The following ANKFY1 variants were observed in gnomAD, a reference collection of about 807,000 sequenced individuals.
ANKFY1 encodes the protein ankyrin repeat and FYVE domain containing 1.
In ANKFY1, 47 loss-of-function variants were observed where a neutral mutation model predicts 128.3. That is an observed-to-expected ratio of 0.37 (90% CI 0.29 to 0.47). ANKFY1 has a LOEUF of 0.47. Among genes scored for constraint, ANKFY1 ranks in the 20% least tolerant of loss-of-function variants. The pLI, the probability that ANKFY1 is intolerant of heterozygous loss-of-function variation, is 1.00. For synonymous variants in ANKFY1, 553 were observed against 601.6 expected (o/e 0.92, Z 1.18); for missense variants, 1,222 against 1,510.6 (o/e 0.81, Z 3.17).
At chr17:4,223,447 C>A in intron 3 of ANKFY1, 1 of 1,247,578 alleles carries the variant, frequency 8.0e-7, no homozygotes, top group Non-Finnish European at 1.2e-6. Context: ...TCACTGATGA[C>A]ACACTTCAAG....
chr17:4,240,020 T>A (rs1423088400), intron 2 of ANKFY1, among the ~76,000 whole-genome samples: 2 of 151,120 alleles, frequency 1.3e-5, no homozygotes, highest in African/African-American at 4.9e-5. Context: ...GTGCTCACCC[T>A]GCTCTTTTCT....
At chr17:4,259,027 G>A (rs1427957973) in intron 1 of ANKFY1, among the ~76,000 whole-genome samples, 1 of 152,194 alleles carries the variant, frequency 6.6e-6, no homozygotes, top group Non-Finnish European at 1.5e-5. Context: ...GTGCACCAGG[G>A]TGAAAGCATC....
chr17:4,201,521 T>C (rs565937399), intron 7 of ANKFY1, among the ~76,000 whole-genome samples: 2 of 148,866 alleles, frequency 1.3e-5, no homozygotes, highest in East Asian at 2.0e-4. Flanking sequence ...CACTGTCTTA[T>C]ACAAAACAGA....
intron 3 of ANKFY1, among the ~76,000 whole-genome samples, chr17:4,218,808 T>C (rs1348474886): frequency 6.6e-6 from 1 of 152,048 alleles, no homozygotes; most frequent in Admixed American, 6.6e-5. Context: ...AGCCGGGAGG[T>C]TGAGGCAGTA....
In ANKFY1 at chr17:4,170,865, G is replaced by A. The variant is rs1259253428; in HGVS notation, c.3140-4C>T. ...TTCATGTATGCCAGGAGCAGCACTG[G>A]AAAACAAAAGCACGCGCAGGGCTAC... On this transcript the variant is annotated splice_region_variant and splice_polypyrimidine_tract_variant and intron_variant, in intron 22 of 24. Coordinates refer to ENST00000341657, the MANE Select transcript of ANKFY1 (RefSeq NM_001330063.2). 1.9e-6 allele frequency: 3 copies of A among 1,614,066 alleles called. No homozygotes were observed. In the African/African-American group the frequency reaches 4.0e-5, roughly 22 times the overall value.
chr17:4,222,343 G>A, intron 3 of ANKFY1: 1 of 750,934 alleles, frequency 1.3e-6, no homozygotes. Flanking sequence ...TGTGACAAAT[G>A]ACCTTATTAT....
Position 4,167,769 on chromosome 17 carries a change from G to A in ANKFY1, c.*10C>T, listed in dbSNP as rs149788482. The A allele has an allele frequency of 1.7e-5, 27 of 1,610,732 alleles. No individual in the cohort carries two copies. The highest frequency in any genetic ancestry group is 3.3e-4 in the Middle Eastern group (2 of 6,028). ...ACCAAGGACGTGGCCTGGACCCTCCGGGGGGCTCACTAAGAAACCCCACCC... is the reference window on the plus strand; with the variant it reads ...ACCAAGGACGTGGCCTGGACCCTCCAGGGGGCTCACTAAGAAACCCCACCC... On this transcript the variant is annotated 3_prime_UTR_variant, in exon 25 of 25. Transcript: ENST00000341657. The surrounding 1 kb of genome is among the most constrained non-coding windows in gnomAD (Gnocchi z 4.1).
intron 24 of ANKFY1, among the ~76,000 whole-genome samples, chr17:4,168,363 G>A (rs1455650842): frequency 6.6e-6 from 1 of 152,180 alleles, no homozygotes; most frequent in Non-Finnish European, 1.5e-5. Context: ...TGAGGAATAA[G>A]AATCGCTTGA....
intron 1 of ANKFY1, among the ~76,000 whole-genome samples, chr17:4,253,399 G>C (rs1967948842): frequency 1.3e-5 from 2 of 152,312 alleles, no homozygotes; most frequent in South Asian, 2.1e-4. Context: ...GTATATATTT[G>C]TCAACTGACA....
At chr17:4,184,504 A>G (rs2059575974) in intron 12 of ANKFY1, among the ~76,000 whole-genome samples, 1 of 152,182 alleles carries the variant, frequency 6.6e-6, no homozygotes, top group African/African-American at 2.4e-5. Flanking sequence ...GTTCTCAAAG[A>G]CAGTGCTCAC....
intron 3 of ANKFY1, among the ~76,000 whole-genome samples, chr17:4,232,273 G>A (rs563122261): frequency 1.3e-5 from 2 of 152,160 alleles, no homozygotes. Context: ...TTGCTGCCAT[G>A]AAGTGTCAGT....
At chr17:4,248,562 T>C (rs1457947989) in intron 1 of ANKFY1, among the ~76,000 whole-genome samples, 1 of 152,234 alleles carries the variant, frequency 6.6e-6, no homozygotes, top group East Asian at 1.9e-4. Flanking sequence ...TAGTAAGGCT[T>C]ACCGCTGCTG....
intron 5 of ANKFY1, among the ~76,000 whole-genome samples, chr17:4,209,013 C>T (rs1287646986): frequency 1.3e-5 from 2 of 151,950 alleles, no homozygotes; most frequent in East Asian, 1.9e-4. Flanking sequence ...GAGCTGAGAC[C>T]GTGCCATTGC....
chr17:4,231,884 C>T lies in ANKFY1; in HGVS notation c.322+3888G>A, dbSNP rs987846243. On this transcript the variant is annotated intron_variant, in intron 3 of 24. Transcript: ENST00000341657. ...GCCAGGAGGTCAAGGCTGCAGTGAG[C>T]CGTGATTGCACCATGGCACTCTAGC... 2.5e-4 allele frequency among the ~76,000 whole-genome samples: 38 copies of T among 151,410 alleles called. 1 individual carries two copies. Among genetic ancestry groups the T allele is most frequent in the African/African-American group, 8.7e-4 (36 of 41,226 alleles).
intron 1 of ANKFY1, among the ~76,000 whole-genome samples, chr17:4,242,789 C>G (rs1025321950): frequency 2.0e-5 from 3 of 152,166 alleles, no homozygotes; most frequent in Non-Finnish European, 4.4e-5. Flanking sequence ...GTCACTGAAC[C>G]AGGAAGACCA....
rs1176248537 is a variant in ANKFY1, at chr17:4,173,449, G to A, written c.2924-5C>T. The A allele has an allele frequency of 8.1e-6, 13 of 1,613,762 alleles. No homozygotes were observed. Among genetic ancestry groups the A allele is most frequent in the Non-Finnish European group, 1.1e-5 (13 of 1,179,790 alleles). On this transcript the variant is annotated splice_region_variant and splice_polypyrimidine_tract_variant and intron_variant, in intron 20 of 24. Coordinates refer to ENST00000341657, the MANE Select transcript of ANKFY1 (RefSeq NM_001330063.2). Reference sequence around the variant, plus strand: ...GCATGACAGCAAGATGAAGAGCTGGGAAGTAAATCCTCTTACTATGCAAGC... The same window carrying A: ...GCATGACAGCAAGATGAAGAGCTGGAAAGTAAATCCTCTTACTATGCAAGC...
chr17:4,179,701 G>A lies in ANKFY1; in HGVS notation c.2397+20C>T, dbSNP rs779035366. 9.3e-6 allele frequency: 15 copies of A among 1,611,766 alleles called. No homozygotes were observed. In the East Asian group the frequency reaches 1.6e-4, roughly 17 times the overall value. On this transcript the variant is annotated intron_variant, in intron 17 of 24. Transcript: ENST00000341657. ...ATGCTGGGGCTACACCTCTCTCCCC[G>A]GAAAAGAGAAACGACACACCTGTGC...
intron 2 of ANKFY1, among the ~76,000 whole-genome samples, chr17:4,236,926 T>C (rs953435805): frequency 3.3e-5 from 5 of 151,378 alleles, no homozygotes; most frequent in Non-Finnish European, 3.0e-5. Flanking sequence ...GATCACGAGG[T>C]TGAGATTGAG....
rs775216926 is a variant in ANKFY1, at chr17:4,178,942, A to T, written c.2513T>A (p.Leu838Gln). 1 of 1,614,228 alleles carries T rather than the reference A, an allele frequency of 6.2e-7. No homozygotes were observed. The highest frequency in any genetic ancestry group is 1.1e-5 in the South Asian group (1 of 91,086). The change falls in exon 18 of 25, where the codon CTG becomes CAG. Residue 838 changes from leucine (L) to glutamine (Q), a missense_variant. Leu to Gln is a moderately radical substitution (Grantham distance 113). Transcript: ENST00000341657. The surrounding 1 kb of genome is among the most constrained non-coding windows in gnomAD (Gnocchi z 4.1). ...AGTCATGGCACAGGCAAACGGGGTC[A>T]GCCCTTGTCTGTCTCGTACATTCAA... Reference protein sequence around the residue: ...IHLNVRDRQGLTPFACAMTFK... With the variant: ...IHLNVRDRQGQTPFACAMTFK...
Sources: gnomAD v4.1 joint callset for allele counts (sites outside exome capture counted in the v4.1 genomes callset) on GRCh38, gnomAD v4.1.1 for gene constraint, Gnocchi (gnomAD v3.1) non-coding constraint, MANE v1.5 for transcripts, NCBI Gene and HGNC (gene_info 2026-07-23, HGNC 2026-07-21) for gene names.